Variants in CSGALNACT1 observed in about 807,000 individuals in gnomAD.
CSGALNACT1 encodes the protein chondroitin sulfate N-acetylgalactosaminyltransferase 1.
In CSGALNACT1, 52 loss-of-function variants were observed where a neutral mutation model predicts 51.0. That is an observed-to-expected ratio of 1.02 (90% CI 0.82 to 1.29). The LOEUF is 1.29. Ranked by LOEUF, CSGALNACT1 falls within the 50% of genes most tolerant of loss-of-function variation. The pLI is 0.00. For synonymous variants in CSGALNACT1, 341 were observed against 254.4 expected (o/e 1.34, Z -3.24); for missense variants, 935 against 679.2 (o/e 1.38, Z -4.19).
At chr8:19,608,178 C>T (rs2051667843) in intron 1 of CSGALNACT1, among the ~76,000 whole-genome samples, 1 of 152,178 alleles carries the variant, frequency 6.6e-6, no homozygotes, top group Non-Finnish European at 1.5e-5. Flanking sequence ...AAAGTAAACT[C>T]ACCCCCAAAG....
intron 3 of CSGALNACT1, among the ~76,000 whole-genome samples, chr8:19,550,677 ACTGGGTGAGG>A (rs2087794976): frequency 2.0e-5 from 3 of 152,102 alleles, no homozygotes; most frequent in Admixed American, 2.0e-4. Flanking sequence ...AAGTGATGTC[ACTGGGTGAGG>A]ACATAGCCAT....
intron 1 of CSGALNACT1, among the ~76,000 whole-genome samples, chr8:19,698,068 C>T (rs551170130): frequency 6.6e-6 from 1 of 152,060 alleles, no homozygotes; most frequent in South Asian, 2.1e-4. Context: ...AGCTCCACTG[C>T]GGGGGCTGAA....
At chr8:19,512,843 A>T (rs747313959) in intron 3 of CSGALNACT1, among the ~76,000 whole-genome samples, 1 of 152,236 alleles carries the variant, frequency 6.6e-6, no homozygotes, top group Non-Finnish European at 1.5e-5. Flanking sequence ...GGAAATCTGT[A>T]AAGTTAAAAC....
At chr8:19,681,785 G>A (rs2060639261) in intron 1 of CSGALNACT1, among the ~76,000 whole-genome samples, 1 of 152,104 alleles carries the variant, frequency 6.6e-6, no homozygotes, top group Non-Finnish European at 1.5e-5. Flanking sequence ...CCCGTGCCCT[G>A]AGCACCATGC....
At chr8:19,666,779 GAA>G (rs764883194) in intron 1 of CSGALNACT1, among the ~76,000 whole-genome samples, 6 of 17,026 alleles carry the variant, frequency 3.5e-4, no homozygotes, top group African/African-American at 8.7e-4. Flanking sequence ...AAGAAAGAAA[GAA>G]AGAAAGAAAG....
At chr8:19,590,876 CGTGACCTCAA>C (rs1258996227) in intron 3 of CSGALNACT1, among the ~76,000 whole-genome samples, 1 of 151,822 alleles carries the variant, frequency 6.6e-6, no homozygotes, top group Non-Finnish European at 1.5e-5. Flanking sequence ...GTTTTGAACT[CGTGACCTCAA>C]GTGATCTGCC....
At chr8:19,443,478 G>T (rs966384886) in intron 5 of CSGALNACT1, among the ~76,000 whole-genome samples, 2 of 152,146 alleles carry the variant, frequency 1.3e-5, no homozygotes, top group African/African-American at 2.4e-5. Flanking sequence ...TGGACTCACA[G>T]TTCCACATGG....
At chr8:19,645,488 T>G (rs1444935312) in intron 1 of CSGALNACT1, among the ~76,000 whole-genome samples, 1 of 152,246 alleles carries the variant, frequency 6.6e-6, no homozygotes, top group Non-Finnish European at 1.5e-5. Flanking sequence ...TTACAAGCTG[T>G]GTGCTCCTTG....
chr8:19,465,423 G>A (rs1321875876), intron 4 of CSGALNACT1, among the ~76,000 whole-genome samples: 3 of 152,060 alleles, frequency 2.0e-5, no homozygotes, highest in Non-Finnish European at 4.4e-5. Context: ...GATGGATGGT[G>A]GTGATGGATG....
chr8:19,734,414 C>T (rs894408403), intron 1 of CSGALNACT1, among the ~76,000 whole-genome samples: 1 of 152,212 alleles, frequency 6.6e-6, no homozygotes, highest in African/African-American at 2.4e-5. Context: ...TGATATTGCA[C>T]CCAAATAAGA....
intron 4 of CSGALNACT1, among the ~76,000 whole-genome samples, chr8:19,463,736 G>A (rs74720499): frequency 0.011 from 1,721 of 152,226 alleles, 26 homozygotes; most frequent in African/African-American, 0.039. Context: ...TGGCACCTCC[G>A]TGTCTTTCCT....
chr8:19,495,798 G>T (rs2075345575), intron 4 of CSGALNACT1, among the ~76,000 whole-genome samples: 1 of 152,220 alleles, frequency 6.6e-6, no homozygotes, highest in African/African-American at 2.4e-5. Context: ...GATAAAGAGA[G>T]AAGCGGGGGA....
chr8:19,421,961 T>C (rs192120247), intron 6 of CSGALNACT1, among the ~76,000 whole-genome samples: 3 of 152,262 alleles, frequency 2.0e-5, no homozygotes, highest in Admixed American at 2.0e-4. Flanking sequence ...TGGGGCCCCA[T>C]AAGTGTTCAA....
At chr8:19,690,068 T>C (rs2061214541) in intron 1 of CSGALNACT1, among the ~76,000 whole-genome samples, 1 of 152,166 alleles carries the variant, frequency 6.6e-6, no homozygotes, top group Admixed American at 6.5e-5. Context: ...ACTCAACAAA[T>C]AAAACACTAT....
chr8:19,520,015 T>C (rs2080331975), intron 3 of CSGALNACT1, among the ~76,000 whole-genome samples: 1 of 152,142 alleles, frequency 6.6e-6, no homozygotes, highest in Admixed American at 6.5e-5. Flanking sequence ...TTCATGGAGG[T>C]GTTTTGCTGG....
intron 3 of CSGALNACT1, among the ~76,000 whole-genome samples, chr8:19,584,896 G>A (rs1253457180): frequency 6.6e-6 from 1 of 152,104 alleles, no homozygotes; most frequent in African/African-American, 2.4e-5. Flanking sequence ...ACACTGTCCT[G>A]GGTACCAACC....
At chr8:19,554,096 A>G (rs2089041343) in intron 3 of CSGALNACT1, among the ~76,000 whole-genome samples, 1 of 152,176 alleles carries the variant, frequency 6.6e-6, no homozygotes. Flanking sequence ...AGAATAATAG[A>G]GAACGAATGA....
chr8:19,568,948 A>G (rs1001265872), intron 3 of CSGALNACT1, among the ~76,000 whole-genome samples: 6 of 152,202 alleles, frequency 3.9e-5, no homozygotes, highest in Admixed American at 1.3e-4. Flanking sequence ...CTAAGACACT[A>G]TGTGTCCCAG....
chr8:19,511,805 G>C (rs1026549826), intron 3 of CSGALNACT1, among the ~76,000 whole-genome samples: 2 of 152,194 alleles, frequency 1.3e-5, no homozygotes, highest in African/African-American at 2.4e-5. Context: ...AGCTGTACAG[G>C]AGGCATGGCT....
Sources: gnomAD v4.1 joint callset for allele counts (sites outside exome capture counted in the v4.1 genomes callset) on GRCh38, gnomAD v4.1.1 for gene constraint, MANE v1.5 for transcripts, NCBI Gene and HGNC (gene_info 2026-07-23, HGNC 2026-07-21) for gene names.